The following GSE1 variants were observed in gnomAD, a reference collection of about 807,000 sequenced individuals.
GSE1 encodes genetic suppressor element 1.
GSE1 carries 32 observed loss-of-function variants against 112.6 expected under a neutral mutation model. The observed-to-expected ratio is 0.28, with a 90% CI of 0.21 to 0.38. The LOEUF (loss-of-function observed/expected upper bound fraction) is 0.38. GSE1 is among the 10% of genes least tolerant of loss of function. GSE1 has a pLI of 1.00. For missense variants in GSE1, 2,348 were observed against 1,699.2 expected (o/e 1.38, Z -6.71); for synonymous variants, 1,115 against 735.6 (o/e 1.52, Z -8.35).
intron 1 of GSE1, among the ~76,000 whole-genome samples, chr16:85,192,188 C>G (rs1227727649): frequency 2.0e-5 from 3 of 152,210 alleles, no homozygotes; most frequent in Non-Finnish European, 4.4e-5. Flanking sequence ...ATGTTTTGGT[C>G]TTTTTCACCC....
At chr16:85,630,177 C>T (rs182497290) in intron 1 of GSE1, among the ~76,000 whole-genome samples, 28 of 152,314 alleles carry the variant, frequency 1.8e-4, no homozygotes, top group Admixed American at 1.5e-3. Context: ...GACCCCCCTC[C>T]ACTGGAGTGA....
chr16:85,487,563 G>A (rs2151886530), intron 2 of GSE1, among the ~76,000 whole-genome samples: 1 of 152,336 alleles, frequency 6.6e-6, no homozygotes, highest in East Asian at 1.9e-4. Context: ...CAGGCACGGA[G>A]AGGCTAGGTG....
At chr16:85,584,491 C>T (rs953539510) in intron 1 of GSE1, among the ~76,000 whole-genome samples, 3 of 152,232 alleles carry the variant, frequency 2.0e-5, no homozygotes, top group African/African-American at 7.2e-5. Flanking sequence ...AATGTATTAC[C>T]TGTCTCCGTG....
chr16:85,521,317 C>T (rs1363113229), intron 2 of GSE1, among the ~76,000 whole-genome samples: 1 of 152,178 alleles, frequency 6.6e-6, no homozygotes, highest in African/African-American at 2.4e-5. Context: ...CTCGCGCTCA[C>T]CTTTGTAGAG....
chr16:85,235,426 T>C (rs1044187477), intron 1 of GSE1, among the ~76,000 whole-genome samples: 2 of 83,506 alleles, frequency 2.4e-5, no homozygotes, highest in Non-Finnish European at 5.0e-5. Context: ...GATGGAAGGG[T>C]ACTGTGTGTG....
At chr16:85,518,304 A>G (rs1191561291) in intron 2 of GSE1, among the ~76,000 whole-genome samples, 1 of 152,080 alleles carries the variant, frequency 6.6e-6, no homozygotes, top group African/African-American at 2.4e-5. Flanking sequence ...TGTGCCCACC[A>G]TGGATGGGGC....
chr16:85,554,916 C>T (rs1031599735), upstream of GSE1: 402 of 985,292 alleles, frequency 4.1e-4, 1 homozygote, highest in Middle Eastern at 5.2e-4. Context: ...AGGGGAGCAC[C>T]CTGCCTTCGG....
At position 85,341,798 on chromosome 16, in the gene GSE1, C is replaced by G. The variant is rs553073498; in HGVS notation, c.2284-15665C>G. Among the ~76,000 whole-genome samples the G allele has an allele frequency of 2.6e-5, 4 of 151,964 alleles. No individual in the cohort carries two copies. In the South Asian group the frequency reaches 8.3e-4, roughly 32 times the overall value. On this transcript the variant is annotated intron_variant, in intron 1 of 2. Coordinates refer to the GSE1 transcript ENST00000637419. ...TACAGGTGTGAACCACTTCACCTGG[C>G]CTGTTATTTACATTTTTTAATGTGT...
intron 2 of GSE1, among the ~76,000 whole-genome samples, chr16:85,645,552 A>C (rs537740886): frequency 5.9e-4 from 89 of 150,986 alleles, no homozygotes; most frequent in African/African-American, 2.1e-3. Context: ...TTCTGTTTCC[A>C]CATCGGGATG....
chr16:85,353,216 G>T (rs74755075), intron 1 of GSE1, among the ~76,000 whole-genome samples: 3 of 152,270 alleles, frequency 2.0e-5, no homozygotes, highest in South Asian at 2.1e-4. Flanking sequence ...CTCACCTGGG[G>T]ACTCGACCGG....
chr16:85,333,648 T>G (rs992346554), intron 1 of GSE1, among the ~76,000 whole-genome samples: 3 of 152,216 alleles, frequency 2.0e-5, no homozygotes, highest in African/African-American at 7.2e-5. Context: ...TCCTGGGAAC[T>G]GGCTGGGTTA....
intron 1 of GSE1, among the ~76,000 whole-genome samples, chr16:85,330,908 T>A (rs867672167): frequency 6.6e-6 from 1 of 152,260 alleles, no homozygotes; most frequent in Non-Finnish European, 1.5e-5. Flanking sequence ...GGAATCACTC[T>A]TGTCTTGCTG....
At chr16:85,490,633 C>T (rs1456726533) in intron 2 of GSE1, 2 of 152,192 alleles carry the variant, frequency 1.3e-5, no homozygotes, top group South Asian at 4.1e-4. Context: ...GCGGCCACAC[C>T]ACGAGTGGAT....
intron 2 of GSE1, among the ~76,000 whole-genome samples, chr16:85,510,210 T>C (rs1035618869): frequency 2.0e-5 from 3 of 152,200 alleles, no homozygotes; most frequent in African/African-American, 7.2e-5. Flanking sequence ...GAGCCGGCTT[T>C]TCATTATACT....
intron 1 of GSE1, among the ~76,000 whole-genome samples, chr16:85,631,854 C>T (rs1020021833): frequency 3.9e-5 from 6 of 152,276 alleles, no homozygotes; most frequent in Non-Finnish European, 5.9e-5. Context: ...GCCACAGGCG[C>T]GTTTTCATCG....
intron 1 of GSE1, among the ~76,000 whole-genome samples, chr16:85,350,952 G>A (rs985426619): frequency 3.9e-5 from 6 of 152,176 alleles, no homozygotes; most frequent in African/African-American, 1.2e-4. Context: ...GCTAATTATT[G>A]CATTTTTAGT....
intron 2 of GSE1, among the ~76,000 whole-genome samples, chr16:85,635,770 C>T (rs8045380): frequency 0.27 from 41,200 of 152,158 alleles, 5,960 homozygotes; most frequent in African/African-American, 0.3. Context: ...TTTCATCCAG[C>T]AGCTGTGTCT....
chr16:85,476,846 C>T (rs1049684147), intron 2 of GSE1, among the ~76,000 whole-genome samples: 1 of 150,144 alleles, frequency 6.7e-6, no homozygotes, highest in African/African-American at 2.5e-5. Context: ...CTCCTGGGCT[C>T]AAGTGATCCT....
chr16:85,648,840 TGA>T, intron 3 of GSE1, 89 bp downstream of exon 3: 1 of 709,690 alleles, frequency 1.4e-6, no homozygotes, highest in East Asian at 3.0e-5. Context: ...CTTTCGAGGT[TGA>T]GTTTACATTC....
Sources: allele counts gnomAD v4.1 joint callset (sites outside exome capture counted in the v4.1 genomes callset), GRCh38; gene constraint gnomAD v4.1.1; transcripts MANE v1.5; gene names NCBI Gene and HGNC (gene_info 2026-07-23, HGNC 2026-07-21).